The following RFX8 variants were observed in gnomAD, a reference collection of about 807,000 sequenced individuals.
The protein encoded by RFX8 is DNA-binding protein RFX8.
Under a neutral mutation model 54.6 loss-of-function variants are expected in RFX8, and 46 were observed. The ratio of observed to expected loss-of-function variants is 0.84; its 90% CI spans 0.67 to 1.08. The LOEUF (loss-of-function observed/expected upper bound fraction) is 1.08, where lower values mean the gene tolerates loss of function less well. Ranked by LOEUF, RFX8 falls within the 50% of genes least tolerant of loss-of-function variation. The pLI, the probability that RFX8 is intolerant of heterozygous loss-of-function variation, is 0.00. For missense variants in RFX8, 536 were observed against 562.3 expected, an observed-to-expected ratio of 0.95 and a Z score of 0.47; for synonymous variants, 192 against 209.5, an observed-to-expected ratio of 0.92 and a Z score of 0.72.
At chr2:101,411,434 A>G (rs1350852389) in intron 8 of RFX8, among the ~76,000 whole-genome samples, 1 of 152,120 alleles carries the variant, frequency 6.6e-6, no homozygotes, top group Non-Finnish European at 1.5e-5. Flanking sequence ...TGGGACTCAC[A>G]AAGATGCCAG....
chr2:101,458,041 T>A (rs1369550347), intron 2 of RFX8, among the ~76,000 whole-genome samples: 1 of 152,200 alleles, frequency 6.6e-6, no homozygotes, highest in African/African-American at 2.4e-5. Context: ...CCCCTGCTTT[T>A]TTTTCGCTTT....
At chr2:101,471,549 C>T (rs555264658) in intron 1 of RFX8, among the ~76,000 whole-genome samples, 1 of 152,316 alleles carries the variant, frequency 6.6e-6, no homozygotes, top group South Asian at 2.1e-4. Flanking sequence ...GCTCAGCATG[C>T]ATTGGGATTA....
intron 2 of RFX8, chr2:101,452,453 G>A (rs1205295767): frequency 3.0e-6 from 4 of 1,316,110 alleles, no homozygotes; most frequent in Non-Finnish European, 3.9e-6. Flanking sequence ...CAAGCTAAAA[G>A]AATAAGCCAG....
chr2:101,472,713 A>G (rs1690078177), intron 1 of RFX8, among the ~76,000 whole-genome samples: 1 of 152,126 alleles, frequency 6.6e-6, no homozygotes, highest in Non-Finnish European at 1.5e-5. Context: ...AAAATCTCAT[A>G]ATGTTTTAAC....
At chr2:101,445,263 C>G (rs1410362127) in intron 2 of RFX8, among the ~76,000 whole-genome samples, 1 of 152,126 alleles carries the variant, frequency 6.6e-6, no homozygotes, top group Non-Finnish European at 1.5e-5. Context: ...TTTTGCACAG[C>G]CCTTTCCTCT....
At chr2:101,429,270 C>T (rs1022180944) in intron 2 of RFX8, among the ~76,000 whole-genome samples, 2 of 152,122 alleles carry the variant, frequency 1.3e-5, no homozygotes, top group Non-Finnish European at 2.9e-5. Flanking sequence ...AATATGATAT[C>T]GTCATGGGTA....
intron 9 of RFX8, 71 bp from the exon 10 acceptor site, chr2:101,406,128 G>A (rs1685720756): frequency 6.0e-6 from 5 of 838,340 alleles, no homozygotes; most frequent in Non-Finnish European, 9.5e-6. Flanking sequence ...GTTTTCAAAT[G>A]CACACATTTG....
rs1355061946 is a variant in RFX8, at chr2:101,452,946, A to G, written c.72+13831T>C. On this transcript the variant is annotated intron_variant, in intron 2 of 11. Coordinates refer to ENST00000428343, the MANE Select transcript of RFX8 (RefSeq NM_001145664.2). ...ATGGTGAAACCCCGTCTCTGCTAAA[A>G]ATACAAAAATTAGCTGGGCGTGGTA... is the stretch of plus-strand genomic sequence containing the variant. Among the ~76,000 whole-genome samples, 2 of 151,796 alleles carry G rather than the reference A, an allele frequency of 1.3e-5. 1 individual carries two copies. Among genetic ancestry groups the G allele is most frequent in the African/African-American group, 4.8e-5 (2 of 41,256 alleles).
chr2:101,474,060 G>A (rs1476621768), intron 1 of RFX8: 6 of 473,364 alleles, frequency 1.3e-5, no homozygotes, highest in Non-Finnish European at 1.9e-5. Context: ...CGGCGGGCGA[G>A]CATCAGAAAG....
chr2:101,459,143 C>G (rs986670526), intron 2 of RFX8, among the ~76,000 whole-genome samples: 2 of 152,158 alleles, frequency 1.3e-5, no homozygotes, highest in African/African-American at 4.8e-5. Flanking sequence ...AGCTTCCTAG[C>G]AATGGGTTCA....
chr2:101,449,507 G>A (rs1377596766), intron 2 of RFX8, among the ~76,000 whole-genome samples: 1 of 152,174 alleles, frequency 6.6e-6, no homozygotes, highest in African/African-American at 2.4e-5. Flanking sequence ...CGGGGGTCAG[G>A]GGTGGCTTTG....
chr2:101,424,866 G>A (rs1180838584), intron 2 of RFX8, among the ~76,000 whole-genome samples: 6 of 152,144 alleles, frequency 3.9e-5, no homozygotes, highest in Admixed American at 1.3e-4. Context: ...GGGCCCGTCA[G>A]GGGGTCGGGG....
intron 2 of RFX8, among the ~76,000 whole-genome samples, chr2:101,425,836 G>A (rs17025554): frequency 0.18 from 27,334 of 152,144 alleles, 2,948 homozygotes; most frequent in African/African-American, 0.3. Context: ...CAGGAGATTC[G>A]CTACAGCAGA....
chr2:101,443,814 G>A (rs76392456), intron 2 of RFX8, among the ~76,000 whole-genome samples: 3,376 of 152,246 alleles, frequency 0.022, 126 homozygotes, highest in African/African-American at 0.077. Flanking sequence ...GGGAAGTCCA[G>A]TGGAGACCTA....
intron 2 of RFX8, among the ~76,000 whole-genome samples, chr2:101,450,247 G>T (rs752434338): frequency 6.6e-6 from 1 of 151,902 alleles, no homozygotes; most frequent in Non-Finnish European, 1.5e-5. Flanking sequence ...TTGAGACAGG[G>T]TCTCACTCTG....
rs1264063413 is a variant in RFX8 at position 101,466,853 on chromosome 2, C to G, written c.-5G>C. 6.5e-7 allele frequency: 1 copy of G among 1,549,550 alleles called. No individual in the cohort carries two copies. The highest frequency in any genetic ancestry group is 2.4e-5 in the East Asian group (1 of 40,918). ...CTCCACGTAAATCTCATACATGAGA[C>G]AGCGAGGGACGCTGCACTCTTCGCA... On this transcript the variant is annotated 5_prime_UTR_variant, in exon 2 of 12. Coordinates refer to ENST00000428343, the MANE Select transcript of RFX8 (RefSeq NM_001145664.2).
chr2:101,469,017 GGTATATATATATAC>G (rs1441232727), intron 1 of RFX8, among the ~76,000 whole-genome samples: 3 of 20,544 alleles, frequency 1.5e-4, no homozygotes, highest in African/African-American at 3.8e-4. Context: ...TATATATATA[GGTATATATATATAC>G]GTATATATAT....
intron 6 of RFX8, 145 bp from the exon 7 acceptor site, chr2:101,415,057 T>C (rs1421352254): frequency 3.2e-6 from 2 of 622,928 alleles, no homozygotes; most frequent in Non-Finnish European, 5.8e-6. Flanking sequence ...GCTGGCCCTC[T>C]CTGAGTGGCT....
At chr2:101,461,847 G>T (rs886236203) in intron 2 of RFX8, among the ~76,000 whole-genome samples, 2 of 152,148 alleles carry the variant, frequency 1.3e-5, no homozygotes, top group Non-Finnish European at 2.9e-5. Context: ...TGACCAAAGC[G>T]CACGCAAAAG....
Sources: allele counts gnomAD v4.1 joint callset (sites outside exome capture counted in the v4.1 genomes callset), GRCh38; gene constraint gnomAD v4.1.1; transcripts MANE v1.5; gene names NCBI Gene and HGNC (gene_info 2026-07-23, HGNC 2026-07-21).